NUB1: variants seen among roughly 807,000 people sequenced by gnomAD.
NUB1 encodes NEDD8 ultimate buster 1.
A neutral mutation model predicts 77.1 loss-of-function variants in NUB1; 41 were observed. That is an observed-to-expected ratio of 0.53 (90% CI 0.41 to 0.69). NUB1 has a LOEUF of 0.69. Among genes scored for constraint, NUB1 ranks in the 30% least tolerant of loss-of-function variants. The pLI, the probability that NUB1 is intolerant of heterozygous loss-of-function variation, is 0.00. For missense variants in NUB1, 643 were observed against 743.8 expected (o/e 0.86, Z 1.58); for synonymous variants, 257 against 281.0 (o/e 0.91, Z 0.85).
At position 151,374,420 on chromosome 7, in the gene NUB1, G is replaced by C. The variant is rs569341955; in HGVS notation, c.1395+177G>C. The C allele has an allele frequency of 7.0e-5, 57 of 809,442 alleles. No individual in the cohort carries two copies. In the East Asian group the frequency reaches 1.4e-3, roughly 20 times the overall value. The allele number at this position is 809,442 out of a possible 1,614,324, so 50.1% of individuals were successfully genotyped here. A position where few individuals can be genotyped will look rare whatever the true frequency, so the allele number is the denominator to read the frequency against. ...CCAGACACAGGCTGCGTGAGGCCAC[G>C]TGAGGCCCCATGCTCAGTGCTTGGC... On this transcript the variant is annotated intron_variant, in intron 12 of 14. Transcript: ENST00000568733.
chr7:151,375,009 G>A (rs1378329149), intron 12 of NUB1, among the ~76,000 whole-genome samples: 2 of 149,970 alleles, frequency 1.3e-5, no homozygotes, highest in African/African-American at 2.5e-5. Context: ...GGTTGTGCAC[G>A]TGCTGGGGGC....
chr7:151,371,894 A>G (rs1220708282), intron 11 of NUB1, among the ~76,000 whole-genome samples: 1 of 152,142 alleles, frequency 6.6e-6, no homozygotes, highest in African/African-American at 2.4e-5. Context: ...TTTTGTAGAA[A>G]TGGGGTCTCA....
rs1014155318 is a variant in NUB1 at position 151,364,144 on chromosome 7, C to T, written c.801-2795C>T. Among the ~76,000 whole-genome samples the T allele has an allele frequency of 5.6e-5, 8 of 143,670 alleles. No homozygotes were observed. In the East Asian group the frequency reaches 1.0e-3, roughly 18 times the overall value. 94.3% of individuals were successfully genotyped at this position (143,670 alleles called of 152,430 possible). A position where few individuals can be genotyped will look rare whatever the true frequency, so the allele number is the denominator to read the frequency against. On this transcript the variant is annotated intron_variant, in intron 8 of 14. Coordinates refer to ENST00000568733, the MANE Select transcript of NUB1 (RefSeq NM_001243351.2). ...TAATTTCAAGAAAGGTAAGCCTGGC[C>T]GGGCGCGGTGGCTCACGCCTGTAAT...
intron 7 of NUB1, among the ~76,000 whole-genome samples, chr7:151,359,789 TAAATA>T (rs1331485379): frequency 2.0e-5 from 3 of 151,984 alleles, no homozygotes; most frequent in Non-Finnish European, 4.4e-5. Flanking sequence ...AAAAATAAAA[TAAATA>T]AAATAAAAAT....
intron 4 of NUB1, chr7:151,351,993 C>T (rs1181287007): frequency 2.4e-6 from 1 of 424,932 alleles, no homozygotes. Context: ...ATTTCATCTC[C>T]TTGTATGTTT....
In NUB1 at chr7:151,345,367, T is replaced by A; in HGVS notation, c.18T>A (p.Tyr6Ter). The A allele has an allele frequency of 6.2e-7, 1 of 1,611,204 alleles. No homozygotes were observed. The highest frequency in any genetic ancestry group is 1.7e-5 in the Admixed American group (1 of 59,752). Residue 6 changes from tyrosine (Y) to a stop codon, truncating the protein, a stop_gained, in exon 2 of 15, where the codon TAT becomes TAA. Transcript: ENST00000568733. LOFTEE classifies it high-confidence loss of function. Reference sequence around the variant, plus strand: ...TTTCAGGGATGGCACAAAAGAAATATCTTCAAGCAAAATTGACCCAGTTTT... The same window carrying A: ...TTTCAGGGATGGCACAAAAGAAATAACTTCAAGCAAAATTGACCCAGTTTT... MAQKK[Y>*]LQAKLTQFLR...
chr7:151,342,013 G>A (rs1232331864), intron 1 of NUB1, 167 bp downstream of exon 1: 6 of 1,242,108 alleles, frequency 4.8e-6, no homozygotes, highest in Non-Finnish European at 6.1e-6. Context: ...CCGGGGCCGG[G>A]AGCGGTGGGC....
At chr7:151,342,913 G>A (rs565774211) in intron 1 of NUB1, among the ~76,000 whole-genome samples, 5 of 152,242 alleles carry the variant, frequency 3.3e-5, no homozygotes, top group African/African-American at 7.2e-5. Flanking sequence ...GACCTCAGGT[G>A]ATCCACTGGC....
intron 7 of NUB1, among the ~76,000 whole-genome samples, chr7:151,357,908 C>T (rs1797160716): frequency 6.6e-6 from 1 of 151,962 alleles, no homozygotes; most frequent in Non-Finnish European, 1.5e-5. Flanking sequence ...CTGCGCCCGG[C>T]CGGATTAAAG....
chr7:151,349,536 A>C (rs1284374482), intron 3 of NUB1, among the ~76,000 whole-genome samples: 1 of 152,226 alleles, frequency 6.6e-6, no homozygotes, highest in Non-Finnish European at 1.5e-5. Flanking sequence ...AGGATTCCCA[A>C]GTTTCCTAGA....
chr7:151,365,699 G>A (rs1000875464), intron 8 of NUB1, among the ~76,000 whole-genome samples: 1 of 152,194 alleles, frequency 6.6e-6, no homozygotes, highest in African/African-American at 2.4e-5. Flanking sequence ...GTGTGTCTGC[G>A]TGCACACGTG....
At chr7:151,376,418 T>C (rs2150727899) in intron 13 of NUB1, 2 of 552,732 alleles carry the variant, frequency 3.6e-6, no homozygotes, top group South Asian at 5.1e-5. Flanking sequence ...TGTCCTGAGA[T>C]GGCTGCTCCC....
At chr7:151,363,453 T>TAA (rs34455667) in intron 8 of NUB1, among the ~76,000 whole-genome samples, 1,922 of 140,570 alleles carry the variant, frequency 0.014, 35 homozygotes, top group African/African-American at 0.043. Context: ...GAGAAAAGGC[T>TAA]AAAAAAAAAA....
chr7:151,352,880 T>C lies in NUB1; in HGVS notation c.413T>C (p.Leu138Pro). 6.7e-7 allele frequency: 1 copy of C among 1,501,408 alleles called. No homozygotes were observed. The highest frequency in any genetic ancestry group is 9.2e-7 in the Non-Finnish European group (1 of 1,088,376). The allele number at this position is 1,501,408 out of a possible 1,614,324, so 93.0% of individuals were successfully genotyped here. ...KIVINKKQLQ[L>P]GKTLEEQGVA... ...GTCATAAATAAGAAGCAACTACAAC[T>C]AGGTATGTATGGCAAAGTATGCATA... The change falls in exon 5 of 15, where the codon CTA (leucine) becomes CCA (proline). Residue 138 changes from leucine (L) to proline (P), a missense_variant and splice_region_variant. Leu to Pro is a moderately conservative substitution (Grantham distance 98). Coordinates refer to ENST00000568733, the MANE Select transcript of NUB1 (RefSeq NM_001243351.2).
chr7:151,358,163 C>T (rs1797176078), intron 7 of NUB1, among the ~76,000 whole-genome samples: 1 of 151,664 alleles, frequency 6.6e-6, no homozygotes, highest in Non-Finnish European at 1.5e-5. Flanking sequence ...TTAGTAGAGA[C>T]GGGGTTTCAC....
intron 7 of NUB1, among the ~76,000 whole-genome samples, chr7:151,359,282 C>CAA (rs59555540): frequency 0.021 from 2,759 of 132,100 alleles, 32 homozygotes; most frequent in Middle Eastern, 0.039. Flanking sequence ...ACTAAAAATA[C>CAA]AAAAAAAAAA....
At chr7:151,357,277 C>T (rs1175340057) in intron 7 of NUB1, among the ~76,000 whole-genome samples, 2 of 151,506 alleles carry the variant, frequency 1.3e-5, no homozygotes, top group Non-Finnish European at 2.9e-5. Flanking sequence ...GCACGCACCA[C>T]CATGCCTGGC....
intron 13 of NUB1, 142 bp downstream of exon 13, chr7:151,376,085 T>G (rs981509140): frequency 1.1e-5 from 7 of 654,202 alleles, no homozygotes; most frequent in Admixed American, 4.5e-5. Flanking sequence ...CCTGCCCACC[T>G]CAGAGGCCAC....
At position 151,355,883 on chromosome 7, in the gene NUB1, T is replaced by G; in HGVS notation, c.531T>G (p.Asn177Lys). The G allele has an allele frequency of 6.2e-7, 1 of 1,613,634 alleles. No homozygotes were observed. Among genetic ancestry groups the G allele is most frequent in the Non-Finnish European group, 8.5e-7 (1 of 1,179,804 alleles). ...KNFQLEEEEQ[N>K]EAKLKEKQIQ... ...TCCAGTTAGAGGAAGAGGAGCAAAATGAGGCCAAACTCAAAGAAAAACAAA... is the reference window on the plus strand; with the variant it reads ...TCCAGTTAGAGGAAGAGGAGCAAAAGGAGGCCAAACTCAAAGAAAAACAAA... The change falls in exon 6 of 15, where the codon AAT becomes AAG. Residue 177 changes from asparagine (N) to lysine (K), a missense_variant. Asn to Lys is a moderately conservative substitution (Grantham distance 94, BLOSUM62 0). Transcript: ENST00000568733.
Sources: allele counts gnomAD v4.1 joint callset (sites outside exome capture counted in the v4.1 genomes callset), GRCh38; gene constraint gnomAD v4.1.1; transcripts MANE v1.5; gene names NCBI Gene and HGNC (gene_info 2026-07-23, HGNC 2026-07-21).